The following PTPN1 variants were observed in gnomAD, a reference collection of about 807,000 sequenced individuals.
PTPN1 encodes the protein tyrosine-protein phosphatase non-receptor type 1.
In PTPN1, 12 loss-of-function variants were observed where a neutral mutation model predicts 59.9. The observed-to-expected ratio is 0.20, with a 90% confidence interval of 0.13 to 0.32. PTPN1 has a LOEUF of 0.32. Among genes scored for constraint, PTPN1 ranks in the 10% least tolerant of loss-of-function variants. The probability of loss-of-function intolerance (pLI) is 1.00; values close to 1 mark genes in which losing one functional copy is unlikely to be tolerated. For missense variants in PTPN1, 356 were observed against 549.2 expected, an observed-to-expected ratio of 0.65 and a Z score of 3.52; for synonymous variants, 178 against 203.6, an observed-to-expected ratio of 0.87 and a Z score of 1.07.
At chr20:50,529,649 T>C (rs771645968) in intron 1 of PTPN1, among the ~76,000 whole-genome samples, 1 of 152,184 alleles carries the variant, frequency 6.6e-6, no homozygotes, top group Non-Finnish European at 1.5e-5. Context: ...TGAAGATTAT[T>C]CTGTTATTTG....
chr20:50,576,489 G>C (rs1449597223), intron 5 of PTPN1, among the ~76,000 whole-genome samples: 1 of 152,216 alleles, frequency 6.6e-6, no homozygotes, highest in African/African-American at 2.4e-5. Context: ...AGGTGTGAGG[G>C]AGGGTGTCAG....
At chr20:50,561,870 C>T (rs1162699883) in intron 2 of PTPN1, among the ~76,000 whole-genome samples, 7 of 152,164 alleles carry the variant, frequency 4.6e-5, no homozygotes, top group Non-Finnish European at 7.3e-5. Context: ...TCGTCCCCTG[C>T]GCTGAATATG....
intron 1 of PTPN1, among the ~76,000 whole-genome samples, chr20:50,556,330 A>G (rs2082725732): frequency 6.6e-6 from 1 of 150,756 alleles, no homozygotes; most frequent in African/African-American, 2.4e-5. Flanking sequence ...ATGGAAGCAC[A>G]GGTGCACGCC....
At chr20:50,516,416 T>C (rs570791141) in intron 1 of PTPN1, among the ~76,000 whole-genome samples, 2 of 152,350 alleles carry the variant, frequency 1.3e-5, no homozygotes, top group East Asian at 1.9e-4. Context: ...GGTTTCTCCC[T>C]TGTAAAAATG....
intron 1 of PTPN1, among the ~76,000 whole-genome samples, chr20:50,530,445 G>A (rs372514330): frequency 6.6e-6 from 1 of 151,648 alleles, no homozygotes; most frequent in Non-Finnish European, 1.5e-5. Flanking sequence ...CAGCCTCCCC[G>A]CCTCCTAGGT....
intron 3 of PTPN1, among the ~76,000 whole-genome samples, chr20:50,566,755 G>A (rs554005063): frequency 6.6e-6 from 1 of 152,292 alleles, no homozygotes; most frequent in South Asian, 2.1e-4. Flanking sequence ...TGTGGTGCGT[G>A]TCCTTGCAGA....
intron 1 of PTPN1, among the ~76,000 whole-genome samples, chr20:50,552,688 A>T (rs1040317927): frequency 2.8e-5 from 4 of 145,182 alleles, no homozygotes; most frequent in South Asian, 2.2e-4. Flanking sequence ...GAAAAAAAAA[A>T]TTTTTTTTTT....
intron 6 of PTPN1, 53 bp from the exon 7 acceptor site, chr20:50,579,115 G>T (rs1045669777): frequency 6.4e-7 from 1 of 1,572,016 alleles, no homozygotes; most frequent in African/African-American, 1.4e-5. Context: ...TGTTATTAAC[G>T]TTGCCCTTGA....
intron 1 of PTPN1, among the ~76,000 whole-genome samples, chr20:50,550,664 C>G (rs897808034): frequency 1.3e-5 from 2 of 152,170 alleles, no homozygotes; most frequent in African/African-American, 4.8e-5. Flanking sequence ...CTTTGGGAAC[C>G]TTTGAAGTAT....
chr20:50,547,933 A>C (rs1275742530), intron 1 of PTPN1, among the ~76,000 whole-genome samples: 1 of 152,222 alleles, frequency 6.6e-6, no homozygotes, highest in Non-Finnish European at 1.5e-5. Flanking sequence ...TCTTATCTTA[A>C]ATGGCTGCAT....
At chr20:50,537,078 A>G (rs2082627008) in intron 1 of PTPN1, among the ~76,000 whole-genome samples, 2 of 152,300 alleles carry the variant, frequency 1.3e-5, no homozygotes, top group South Asian at 2.1e-4. Context: ...TAATCCCAGC[A>G]CTTTGGGAGG....
intron 3 of PTPN1, 136 bp downstream of exon 3, chr20:50,565,205 G>A: frequency 1.2e-6 from 1 of 859,054 alleles, no homozygotes; most frequent in Admixed American, 3.3e-5. Context: ...GCAAGGAAGG[G>A]GGAAAAATCA....
At chr20:50,572,172 C>A (rs2082813307) in intron 4 of PTPN1, 1 of 152,236 alleles carries the variant, frequency 6.6e-6, no homozygotes, top group South Asian at 2.1e-4. Context: ...ATGAGAGATG[C>A]TAGCATGTTG....
intron 5 of PTPN1, among the ~76,000 whole-genome samples, chr20:50,575,742 T>C (rs2082833547): frequency 6.6e-6 from 1 of 152,222 alleles, no homozygotes; most frequent in South Asian, 2.1e-4. Flanking sequence ...TTGGGCAACA[T>C]AGTGAGACCC....
At chr20:50,572,522 GT>G (rs2122793501) in intron 4 of PTPN1, 1 of 152,294 alleles carries the variant, frequency 6.6e-6, no homozygotes, top group South Asian at 2.1e-4. Context: ...TAAGCATTAG[GT>G]TTGGTTTTGA....
intron 1 of PTPN1, among the ~76,000 whole-genome samples, chr20:50,529,850 T>G (rs1284335152): frequency 2.0e-5 from 3 of 152,208 alleles, no homozygotes; most frequent in African/African-American, 7.2e-5. Context: ...GTTTGGCTTC[T>G]TGTTATATTT....
chr20:50,527,305 T>C (rs143066561), intron 1 of PTPN1, among the ~76,000 whole-genome samples: 363 of 152,308 alleles, frequency 2.4e-3, no homozygotes, highest in Middle Eastern at 0.01. Context: ...TGTGTTTATC[T>C]TCCAGGGAAG....
At chr20:50,539,026 CTTTTTT>C (rs71190576) in intron 1 of PTPN1, among the ~76,000 whole-genome samples, 7 of 85,292 alleles carry the variant, frequency 8.2e-5, no homozygotes, top group Non-Finnish European at 1.4e-4. Flanking sequence ...CTTCTCAATT[CTTTTTT>C]TTTTTTTTTT....
At chr20:50,561,849 G>C (rs995516525) in intron 2 of PTPN1, among the ~76,000 whole-genome samples, 1 of 152,118 alleles carries the variant, frequency 6.6e-6, no homozygotes, top group African/African-American at 2.4e-5. Context: ...AGGCATTCGG[G>C]GTGGGCACTG....
Sources: allele counts gnomAD v4.1 joint callset (sites outside exome capture counted in the v4.1 genomes callset), GRCh38; gene constraint gnomAD v4.1.1; transcripts MANE v1.5; gene names NCBI Gene and HGNC (gene_info 2026-07-23, HGNC 2026-07-21).